LRRTM3: variants seen among roughly 807,000 people sequenced by gnomAD.
LRRTM3 encodes the protein leucine rich repeat transmembrane neuronal 3, also known as leucine-rich repeat transmembrane neuronal protein 3.
Under a neutral mutation model 44.7 loss-of-function variants are expected in LRRTM3, and 24 were observed. The observed-to-expected ratio is 0.54, with a 90% CI of 0.39 to 0.76. LRRTM3 has a LOEUF of 0.76. Among genes scored for constraint, LRRTM3 ranks in the 30% least tolerant of loss-of-function variants. LRRTM3 has a pLI of 0.00. For synonymous variants in LRRTM3, 277 were observed against 278.7 expected (o/e 0.99, Z 0.06); for missense variants, 587 against 702.2 (o/e 0.84, Z 1.85).
chr10:66,928,791 C>G (rs1489625587), intron 2 of LRRTM3, among the ~76,000 whole-genome samples: 1 of 152,186 alleles, frequency 6.6e-6, no homozygotes, highest in Admixed American at 6.5e-5. Flanking sequence ...CCCCCACATT[C>G]GCTGTTAGCC....
At chr10:67,059,544 G>A (rs1855638545) in intron 2 of LRRTM3, among the ~76,000 whole-genome samples, 1 of 152,132 alleles carries the variant, frequency 6.6e-6, no homozygotes, top group Admixed American at 6.5e-5. Flanking sequence ...TGTCGTCAAA[G>A]TATATTTGGT....
chr10:66,982,532 A>G (rs573193021), intron 2 of LRRTM3, among the ~76,000 whole-genome samples: 52 of 152,330 alleles, frequency 3.4e-4, no homozygotes, highest in African/African-American at 1.0e-3. Context: ...GCATACAAAC[A>G]TAATTATAGC....
chr10:66,949,031 G>A (rs1848408449), intron 2 of LRRTM3, among the ~76,000 whole-genome samples: 1 of 152,136 alleles, frequency 6.6e-6, no homozygotes, highest in Non-Finnish European at 1.5e-5. Flanking sequence ...GAAAAAGCAT[G>A]TAATCTTGCA....
chr10:67,085,052 G>A (rs1294049073), intron 2 of LRRTM3, among the ~76,000 whole-genome samples: 1 of 151,882 alleles, frequency 6.6e-6, no homozygotes, highest in Non-Finnish European at 1.5e-5. Flanking sequence ...CAAATTTGCT[G>A]TCCAAATATG....
intron 2 of LRRTM3, among the ~76,000 whole-genome samples, chr10:66,936,973 T>C (rs1338231422): frequency 6.6e-6 from 1 of 152,174 alleles, no homozygotes; most frequent in Non-Finnish European, 1.5e-5. Flanking sequence ...TAAAGCACTC[T>C]GAAATCATCC....
intron 2 of LRRTM3, among the ~76,000 whole-genome samples, chr10:66,933,369 A>G (rs1730520496): frequency 6.6e-6 from 1 of 152,176 alleles, no homozygotes; most frequent in Admixed American, 6.5e-5. Context: ...TAATTATCAA[A>G]CACATTGAAA....
chr10:67,082,621 C>T (rs1464070943), intron 2 of LRRTM3, among the ~76,000 whole-genome samples: 5 of 152,056 alleles, frequency 3.3e-5, no homozygotes, highest in African/African-American at 7.2e-5. Flanking sequence ...TCAGCTGGCC[C>T]GCAGGAGAAA....
intron 2 of LRRTM3, among the ~76,000 whole-genome samples, chr10:66,963,732 G>C (rs1354612871): frequency 6.6e-6 from 1 of 152,048 alleles, no homozygotes; most frequent in Non-Finnish European, 1.5e-5. Flanking sequence ...GAAAGAGCAG[G>C]GTGAGACATT....
chr10:66,935,705 T>C (rs1847657483), intron 2 of LRRTM3, among the ~76,000 whole-genome samples: 1 of 152,028 alleles, frequency 6.6e-6, no homozygotes, highest in African/African-American at 2.4e-5. Context: ...AATTGAGTCC[T>C]TATTATGTAC....
chr10:67,029,006 G>A (rs1268095252), intron 2 of LRRTM3, among the ~76,000 whole-genome samples: 1 of 152,136 alleles, frequency 6.6e-6, no homozygotes, highest in African/African-American at 2.4e-5. Context: ...CCCACTAAGT[G>A]TTTTCTCTGT....
At chr10:67,030,999 C>T (rs530714156) in intron 2 of LRRTM3, among the ~76,000 whole-genome samples, 6 of 151,796 alleles carry the variant, frequency 4.0e-5, no homozygotes, top group Admixed American at 6.6e-5. Context: ...AGCGAAACTC[C>T]GTCTCAAAAA....
At chr10:66,983,303 T>C (rs761874657) in intron 2 of LRRTM3, among the ~76,000 whole-genome samples, 2 of 152,114 alleles carry the variant, frequency 1.3e-5, no homozygotes, top group African/African-American at 4.8e-5. Context: ...AATCAGGAGC[T>C]GGCATAAGAC....
intron 2 of LRRTM3, among the ~76,000 whole-genome samples, chr10:66,995,583 T>C (rs1170666557): frequency 6.6e-6 from 1 of 152,202 alleles, no homozygotes; most frequent in Non-Finnish European, 1.5e-5. Flanking sequence ...TTACAAATCC[T>C]TAACATTATT....
At chr10:67,024,793 T>G (rs1207601457) in intron 2 of LRRTM3, among the ~76,000 whole-genome samples, 1 of 152,176 alleles carries the variant, frequency 6.6e-6, no homozygotes, top group East Asian at 1.9e-4. Context: ...ATATTTTAAC[T>G]TGCTCAAAAG....
intron 2 of LRRTM3, among the ~76,000 whole-genome samples, chr10:66,944,566 T>A (rs1191660354): frequency 3.3e-5 from 5 of 152,294 alleles, no homozygotes; most frequent in Non-Finnish European, 7.4e-5. Flanking sequence ...GAATGGTGAC[T>A]CTTACCTTAA....
chr10:67,000,035 T>A (rs1851586010), intron 2 of LRRTM3, among the ~76,000 whole-genome samples: 1 of 152,148 alleles, frequency 6.6e-6, no homozygotes, highest in South Asian at 2.1e-4. Context: ...TTTTTCACAA[T>A]TAAAACTACT....
At chr10:67,029,698 TA>T in intron 2 of LRRTM3, among the ~76,000 whole-genome samples, 1 of 152,318 alleles carries the variant, frequency 6.6e-6, no homozygotes, top group African/African-American at 2.4e-5. Flanking sequence ...TACTAAAGCG[TA>T]AAACAAAAGA....
intron 2 of LRRTM3, among the ~76,000 whole-genome samples, chr10:66,956,143 A>G (rs1407267294): frequency 2.0e-5 from 3 of 151,824 alleles, no homozygotes; most frequent in African/African-American, 7.3e-5. Flanking sequence ...TAGCCTTCAT[A>G]TTTCCTACAT....
intron 2 of LRRTM3, among the ~76,000 whole-genome samples, chr10:67,036,122 T>A (rs1420888261): frequency 6.6e-6 from 1 of 152,142 alleles, no homozygotes; most frequent in Non-Finnish European, 1.5e-5. Flanking sequence ...TCAATTATAA[T>A]TGTTTTACAT....
Sources: gnomAD v4.1 joint callset for allele counts (sites outside exome capture counted in the v4.1 genomes callset) on GRCh38, gnomAD v4.1.1 for gene constraint, MANE v1.5 for transcripts, NCBI Gene and HGNC (gene_info 2026-07-23, HGNC 2026-07-21) for gene names.